The following RABL3 variants were observed in gnomAD, a reference collection of about 807,000 sequenced individuals.
RABL3 encodes RAB, member of RAS oncogene family like 3, also known as rab-like protein 3.
In RABL3, 31 loss-of-function variants were observed where a neutral mutation model predicts 31.8. That is an observed-to-expected ratio of 0.97 (90% CI 0.73 to 1.31). The LOEUF is 1.31. RABL3 is among the 40% of genes most tolerant of loss of function. The probability of loss-of-function intolerance (pLI) is 0.00; values close to 1 mark genes in which losing one functional copy is unlikely to be tolerated. For synonymous variants in RABL3, 97 were observed against 99.9 expected, an observed-to-expected ratio of 0.97 and a Z score of 0.18; for missense variants, 263 against 279.6, an observed-to-expected ratio of 0.94 and a Z score of 0.42.
Position 120,696,626 on chromosome 3 carries a change from CACAT to C in RABL3, c.534+1793_534+1796del, listed in dbSNP as rs571546504. The stretch of plus-strand genomic sequence containing the variant: ...ACACACACACACACACACACACACA[CACAT>C]GCACGCGATTATCAGAGAAACCCAC... On this transcript the variant is annotated intron_variant, in intron 5 of 7. Coordinates refer to ENST00000273375, the MANE Select transcript of RABL3 (RefSeq NM_173825.5). Among the ~76,000 whole-genome samples, 329 of 149,736 alleles carry C rather than the reference CACAT, an allele frequency of 2.2e-3. 1 individual carries two copies. The highest frequency in any genetic ancestry group is 5.1e-3 in the African/African-American group (207 of 40,908).
chr3:120,710,524 G>T (rs542297113), intron 2 of RABL3: 1 of 152,056 alleles, frequency 6.6e-6, no homozygotes, highest in African/African-American at 2.4e-5. Flanking sequence ...TGTTCTTCCT[G>T]TATTTATCTG....
intron 7 of RABL3, 129 bp from the exon 8 acceptor site, chr3:120,690,017 T>A: frequency 1.5e-6 from 1 of 678,096 alleles, no homozygotes; most frequent in Non-Finnish European, 2.5e-6. Flanking sequence ...CTTTCTGAGG[T>A]TTTACTCAGA....
intron 2 of RABL3, among the ~76,000 whole-genome samples, chr3:120,715,107 C>G (rs1304613136): frequency 6.6e-6 from 1 of 152,166 alleles, no homozygotes; most frequent in East Asian, 1.9e-4. Flanking sequence ...TTCTTGGGGA[C>G]AGTCCATCTA....
At chr3:120,734,913 A>G (rs1265144356) in intron 1 of RABL3, among the ~76,000 whole-genome samples, 3 of 152,206 alleles carry the variant, frequency 2.0e-5, no homozygotes, top group Admixed American at 1.3e-4. Context: ...CATGGTAGAT[A>G]AGCTTTTTGA....
At chr3:120,738,261 A>G (rs916375578) in intron 1 of RABL3, among the ~76,000 whole-genome samples, 5 of 152,226 alleles carry the variant, frequency 3.3e-5, no homozygotes, top group African/African-American at 1.2e-4. Flanking sequence ...CTGCTGTGCT[A>G]GCAATGAGCA....
chr3:120,739,014 G>A (rs1172081721), intron 1 of RABL3, among the ~76,000 whole-genome samples: 2 of 152,132 alleles, frequency 1.3e-5, no homozygotes, highest in Admixed American at 1.3e-4. Context: ...ACTTGAGCCT[G>A]CAGGTCTTGT....
intron 3 of RABL3, among the ~76,000 whole-genome samples, chr3:120,708,492 T>C (rs370335920): frequency 2.6e-5 from 4 of 151,950 alleles, no homozygotes. Flanking sequence ...TACCTAAATA[T>C]CAAAGGTGTT....
At chr3:120,732,601 A>T (rs1331371510) in intron 1 of RABL3, among the ~76,000 whole-genome samples, 1 of 152,008 alleles carries the variant, frequency 6.6e-6, no homozygotes. Context: ...TCTAGGGTAC[A>T]TGTGCACAAT....
chr3:120,710,228 C>G (rs1037014570), intron 2 of RABL3: 2 of 176,626 alleles, frequency 1.1e-5, no homozygotes, highest in African/African-American at 4.7e-5. Context: ...CAAAATTCCA[C>G]TCTTGGTTAT....
At chr3:120,712,581 C>T (rs1366563272) in intron 2 of RABL3, among the ~76,000 whole-genome samples, 8 of 152,070 alleles carry the variant, frequency 5.3e-5, no homozygotes, top group African/African-American at 1.9e-4. Flanking sequence ...AGGTTTGGTA[C>T]TCCTCCTATT....
rs186114552 is a variant in RABL3, at chr3:120,737,586, G to A, written c.46+4876C>T. On this transcript the variant is annotated intron_variant, in intron 1 of 7. Transcript: ENST00000273375. ...GGCGAGGAGCTGCGTTTCTTTGCAG[G>A]GGGAGAGGTGCTCTGATTTTTAGAC... Among the ~76,000 whole-genome samples, 2 of 152,308 alleles carry A rather than the reference G, an allele frequency of 1.3e-5. 1 individual carries two copies. The highest frequency in any genetic ancestry group is 3.9e-4 in the East Asian group (2 of 5,182).
intron 2 of RABL3, chr3:120,722,776 T>C (rs1708763190): frequency 6.6e-6 from 1 of 151,962 alleles, no homozygotes. Flanking sequence ...CATACCAGAA[T>C]CTCTGGGACA....
intron 1 of RABL3, among the ~76,000 whole-genome samples, chr3:120,738,036 C>G (rs1279415654): frequency 6.6e-6 from 1 of 152,230 alleles, no homozygotes; most frequent in African/African-American, 2.4e-5. Context: ...AACCACTACT[C>G]ACTTCAAAGC....
chr3:120,709,833 C>T lies in RABL3; in HGVS notation c.215G>A (p.Gly72Asp). ...TGTGCTTTTCACGCTGCTGGCACTGCCCACAGAGCCTCCAACATCCCATAA... is the reference window on the plus strand; with the variant it reads ...TGTGCTTTTCACGCTGCTGGCACTGTCCACAGAGCCTCCAACATCCCATAA... ...IELWDVGGSV[G>D]SASSVKSTRA... The change falls in exon 3 of 8, where the codon GGC becomes GAC. Residue 72 changes from glycine to aspartate, a missense_variant. Physicochemically the swap from Gly to Asp is moderately conservative, Grantham distance 94. Transcript: ENST00000273375. The T allele has an allele frequency of 1.2e-6, 2 of 1,611,820 alleles. No homozygotes were observed. The highest frequency in any genetic ancestry group is 1.7e-4 in the Middle Eastern group (1 of 6,052).
chr3:120,685,787 G>A lies in RABL3; in HGVS notation c.*4036C>T, dbSNP rs1177435922. ...GATGAGTTTATTTGTCTTTCTTAAA[G>A]GCTAGATCCTGACTTATCTGCATGA... On this transcript the variant is annotated 3_prime_UTR_variant, in exon 8 of 8. Coordinates refer to ENST00000273375, the MANE Select transcript of RABL3 (RefSeq NM_173825.5). Among the ~76,000 whole-genome samples the A allele has an allele frequency of 7.2e-5, 11 of 152,134 alleles. No homozygotes were observed. The highest frequency in any genetic ancestry group is 1.3e-4 in the Non-Finnish European group (9 of 68,016).
intron 2 of RABL3, among the ~76,000 whole-genome samples, chr3:120,723,558 T>C (rs1708776384): frequency 6.6e-6 from 1 of 152,134 alleles, no homozygotes. Context: ...AATAAAATAC[T>C]GGCAAACCGA....
At chr3:120,708,912 A>G (rs150979744) in intron 3 of RABL3, among the ~76,000 whole-genome samples, 241 of 152,070 alleles carry the variant, frequency 1.6e-3, no homozygotes, top group Middle Eastern at 3.4e-3. Context: ...TGTAGAGTCT[A>G]CAACACCTCA....
At position 120,687,853 on chromosome 3, in the gene RABL3, G is replaced by A. The variant is rs1483814055; in HGVS notation, c.*1970C>T. ...ACTCTGTCACCTAGGCTGGAGTGCA[G>A]TGACACGATCTTGACTCACTGCAAC... On this transcript the variant is annotated 3_prime_UTR_variant, in exon 8 of 8. Transcript: ENST00000273375. 4.0e-5 allele frequency: 6 copies of A among 151,728 alleles called. No individual in the cohort carries two copies. In the East Asian group the frequency reaches 1.2e-3, roughly 29 times the overall value. 9.4% of individuals were successfully genotyped at this position (151,728 alleles called of 1,614,324 possible).
At chr3:120,722,363 C>T (rs1226733593) in intron 2 of RABL3, 1 of 152,144 alleles carries the variant, frequency 6.6e-6, no homozygotes, top group Non-Finnish European at 1.5e-5. Context: ...TTCAAGCCAA[C>T]CTCATAACCT....
Sources: gnomAD v4.1 joint callset for allele counts (sites outside exome capture counted in the v4.1 genomes callset) on GRCh38, gnomAD v4.1.1 for gene constraint, MANE v1.5 for transcripts, NCBI Gene and HGNC (gene_info 2026-07-23, HGNC 2026-07-21) for gene names.